Variants in SGO2 observed in about 807,000 individuals in gnomAD.
The protein encoded by SGO2 is shugoshin 2.
Under a neutral mutation model 99.5 loss-of-function variants are expected in SGO2, and 68 were observed. The observed-to-expected ratio is 0.68, with a 90% CI of 0.56 to 0.84. The LOEUF is 0.84. Ranked by LOEUF, SGO2 falls within the 40% of genes least tolerant of loss-of-function variation. The pLI is 0.00. For synonymous variants in SGO2, 457 were observed against 487.1 expected, an observed-to-expected ratio of 0.94 and a Z score of 0.81; for missense variants, 1,350 against 1,436.7, an observed-to-expected ratio of 0.94 and a Z score of 0.97.
rs540442739 is a variant in SGO2 at position 200,562,762 on chromosome 2, AG to A, written c.474-6899del. Reference sequence around the variant, plus strand: ...CAGTGGTTTGTAGTTCTCCTTGAAGAGGTCCTTCACATCCCTTGTAAGTTGG... The same window carrying A: ...CAGTGGTTTGTAGTTCTCCTTGAAGAGTCCTTCACATCCCTTGTAAGTTGG... On this transcript the variant is annotated intron_variant, in intron 5 of 8. Transcript: ENST00000357799. Among the ~76,000 whole-genome samples, 419 of 152,232 alleles carry A rather than the reference AG, an allele frequency of 2.8e-3. 2 individuals are homozygous for A. Among genetic ancestry groups the A allele is most frequent in the African/African-American group, 9.5e-3 (395 of 41,548 alleles).
intron 1 of SGO2, among the ~76,000 whole-genome samples, chr2:200,527,071 G>A (rs2031134043): frequency 1.3e-5 from 2 of 152,176 alleles, no homozygotes; most frequent in African/African-American, 4.8e-5. Flanking sequence ...CTATCATAAT[G>A]TCTCAGTGTC....
chr2:200,541,356 C>T (rs117596407), intron 4 of SGO2, among the ~76,000 whole-genome samples: 2 of 152,314 alleles, frequency 1.3e-5, no homozygotes, highest in East Asian at 3.9e-4. Context: ...ACCTACCTCT[C>T]CTGTGTCTTA....
intron 5 of SGO2, among the ~76,000 whole-genome samples, chr2:200,564,452 A>C (rs149342976): frequency 0.19 from 29,234 of 152,086 alleles, 2,924 homozygotes; most frequent in Non-Finnish European, 0.21. Context: ...CTGTTCTTTT[A>C]CATTTGCTGA....
At chr2:200,577,265 A>G (rs749464595) in intron 8 of SGO2, among the ~76,000 whole-genome samples, 1 of 152,008 alleles carries the variant, frequency 6.6e-6, no homozygotes, top group Non-Finnish European at 1.5e-5. Flanking sequence ...TTGATTTGCA[A>G]TCCCCTGATA....
In SGO2 at chr2:200,572,918, G is replaced by T. The variant is rs777601547; in HGVS notation, c.2572G>T (p.Val858Phe). 1.9e-6 allele frequency: 3 copies of T among 1,594,530 alleles called. No individual in the cohort carries two copies. The highest frequency in any genetic ancestry group is 1.4e-5 in the African/African-American group (1 of 73,622). ...AGAAACAATTTCTGAAAATCTACAA[G>T]TCACAAATGAATTTCAAACAGTTGA... Reference protein sequence around the residue: ...DKETISENLQVTNEFQTVDLL... With the variant: ...DKETISENLQFTNEFQTVDLL... The change falls in exon 7 of 9, where the codon GTC becomes TTC. Residue 858 changes from valine to phenylalanine, a missense_variant. Transcript: ENST00000357799.
At chr2:200,576,072 A>C in intron 8 of SGO2, 1 of 403,488 alleles carries the variant, frequency 2.5e-6, no homozygotes, top group Non-Finnish European at 4.8e-6. Flanking sequence ...AAGAACTTAA[A>C]GTTCTTAGCA....
chr2:200,532,946 A>T, intron 1 of SGO2, 28 bp from the exon 2 acceptor site: 3 of 1,594,094 alleles, frequency 1.9e-6, no homozygotes, highest in Non-Finnish European at 2.6e-6. Context: ...ATTAATCAAT[A>T]CTATGATTTT....
chr2:200,550,237 T>C (rs907629613), intron 5 of SGO2, among the ~76,000 whole-genome samples: 1 of 152,160 alleles, frequency 6.6e-6, no homozygotes, highest in African/African-American at 2.4e-5. Context: ...TGCTCATGGA[T>C]TGGAAGAATT....
chr2:200,540,678 G>C (rs563362772), intron 4 of SGO2, among the ~76,000 whole-genome samples: 1 of 152,284 alleles, frequency 6.6e-6, no homozygotes, highest in Non-Finnish European at 1.5e-5. Context: ...TCACTGAATG[G>C]GGATGTATAG....
At chr2:200,554,994 C>T (rs1296153236) in intron 5 of SGO2, among the ~76,000 whole-genome samples, 1 of 151,954 alleles carries the variant, frequency 6.6e-6, no homozygotes, top group African/African-American at 2.4e-5. Context: ...AGAATAATAC[C>T]CCTTTAATAT....
At chr2:200,581,408 C>G (rs1224411414) in intron 8 of SGO2, among the ~76,000 whole-genome samples, 2 of 152,078 alleles carry the variant, frequency 1.3e-5, no homozygotes, top group Non-Finnish European at 2.9e-5. Flanking sequence ...ATGTAAATAT[C>G]ATGATTATTA....
In SGO2 at chr2:200,573,176, A is replaced by G; in HGVS notation, c.2830A>G (p.Lys944Glu). The G allele has an allele frequency of 1.3e-6, 2 of 1,583,128 alleles. No homozygotes were observed. Among genetic ancestry groups the G allele is most frequent in the African/African-American group, 1.4e-5 (1 of 73,026 alleles). Residue 944 changes from lysine (K) to glutamate (E), a missense_variant, in exon 7 of 9, where the codon AAA becomes GAA. By Grantham distance (56) the Lys-to-Glu change is moderately conservative. Coordinates refer to ENST00000357799, the MANE Select transcript of SGO2 (RefSeq NM_152524.6). ...AAGCTATACAAAAGATCTTGATTTT[A>G]AAGTAAATAAATCTAAACAAAAACT... ...QESYTKDLDF[K>E]VNKSKQKLEC...
chr2:200,557,523 A>C (rs1193162224), intron 5 of SGO2, among the ~76,000 whole-genome samples: 2 of 152,186 alleles, frequency 1.3e-5, no homozygotes, highest in Non-Finnish European at 2.9e-5. Context: ...GGGTTCTTGG[A>C]TCTCACACAA....
chr2:200,565,235 G>T (rs573093255), intron 5 of SGO2, among the ~76,000 whole-genome samples: 2 of 152,046 alleles, frequency 1.3e-5, no homozygotes, highest in African/African-American at 4.8e-5. Flanking sequence ...CTTCCTTCAG[G>T]ATCTCTTTTA....
intron 5 of SGO2, among the ~76,000 whole-genome samples, chr2:200,564,492 A>T (rs1356708119): frequency 6.6e-6 from 1 of 152,150 alleles, no homozygotes; most frequent in Admixed American, 6.5e-5. Context: ...TGTGTGGTCA[A>T]TTTTGGAATA....
chr2:200,555,818 T>C (rs1321833201), intron 5 of SGO2, among the ~76,000 whole-genome samples: 1 of 152,222 alleles, frequency 6.6e-6, no homozygotes, highest in Non-Finnish European at 1.5e-5. Flanking sequence ...TGAAACAGAA[T>C]AGAGCCTTAG....
intron 5 of SGO2, among the ~76,000 whole-genome samples, chr2:200,569,179 T>A (rs2033300579): frequency 6.6e-6 from 1 of 152,114 alleles, no homozygotes; most frequent in South Asian, 2.1e-4. Context: ...TCCCATAGAT[T>A]TAATTACTCT....
chr2:200,526,234 G>C lies in SGO2; in HGVS notation c.-21G>C, dbSNP rs1161300040. On this transcript the variant is annotated 5_prime_UTR_variant, in exon 1 of 9. Transcript: ENST00000357799. This position sits in a 1 kb window ranked among gnomAD's most constrained non-coding sequence, Gnocchi z 4.8. ...CGAGCTCCCGGAGCTGGGTGGGGGT[G>C]CCCCACGCTGAAAGAGAGGTAAGTT... is the stretch of plus-strand genomic sequence containing the variant. The C allele has an allele frequency of 6.6e-6, 1 of 152,412 alleles. No individual in the cohort carries two copies. Among genetic ancestry groups the C allele is most frequent in the Non-Finnish European group, 1.5e-5 (1 of 68,168 alleles). 9.4% of individuals were successfully genotyped at this position (152,412 alleles called of 1,614,324 possible).
At chr2:200,533,999 C>T (rs760045532) in intron 2 of SGO2, among the ~76,000 whole-genome samples, 4 of 152,108 alleles carry the variant, frequency 2.6e-5, no homozygotes, top group Non-Finnish European at 5.9e-5. Context: ...AAATCCTAAG[C>T]TTGTTGTAGT....
Sources: gnomAD v4.1 joint callset for allele counts (sites outside exome capture counted in the v4.1 genomes callset) on GRCh38, gnomAD v4.1.1 for gene constraint, Gnocchi (gnomAD v3.1) non-coding constraint, MANE v1.5 for transcripts, NCBI Gene and HGNC (gene_info 2026-07-23, HGNC 2026-07-21) for gene names.